The following PCDH7 variants were observed in gnomAD, a reference collection of about 807,000 sequenced individuals.
PCDH7 encodes the protein protocadherin 7, also known as protocadherin-7.
PCDH7 carries 17 observed loss-of-function variants against 58.9 expected under a neutral mutation model. That is an observed-to-expected ratio of 0.29 (90% CI 0.20 to 0.43). The LOEUF is 0.43. Ranked by LOEUF, PCDH7 falls within the 20% of genes least tolerant of loss-of-function variation. The pLI is 1.00. For missense variants in PCDH7, 1,274 were observed against 1,441.0 expected (o/e 0.88, Z 1.88); for synonymous variants, 664 against 616.4 (o/e 1.08, Z -1.14).
At chr4:30,885,512 G>A (rs917747039) in intron 1 of PCDH7, among the ~76,000 whole-genome samples, 8 of 152,014 alleles carry the variant, frequency 5.3e-5, no homozygotes, top group Non-Finnish European at 1.0e-4. Flanking sequence ...TTCTTCTCAC[G>A]ATACTGTCTC....
intron 2 of PCDH7, among the ~76,000 whole-genome samples, chr4:30,933,082 A>G (rs1390313072): frequency 6.6e-6 from 1 of 151,182 alleles, no homozygotes; most frequent in East Asian, 2.0e-4. Context: ...GCTGGAGTGC[A>G]GTGGCCTGAT....
At chr4:30,899,116 A>G (rs1416921591) in intron 1 of PCDH7, among the ~76,000 whole-genome samples, 1 of 152,130 alleles carries the variant, frequency 6.6e-6, no homozygotes, top group Non-Finnish European at 1.5e-5. Context: ...TAGGAATGCA[A>G]AATTGATTTG....
chr4:30,720,967 T>G lies in PCDH7; in HGVS notation c.-456T>G. 1 of 162,262 alleles carries G rather than the reference T, an allele frequency of 6.2e-6. No individual in the cohort carries two copies. The highest frequency in any genetic ancestry group is 1.3e-5 in the Non-Finnish European group (1 of 75,506). 10.1% of individuals were successfully genotyped at this position (162,262 alleles called of 1,614,324 possible). A position where few individuals can be genotyped will look rare whatever the true frequency, so the allele number is the denominator to read the frequency against. On this transcript the variant is annotated 5_prime_UTR_variant, in exon 1 of 2. Transcript: ENST00000361762. The surrounding 1 kb of genome is among the most constrained non-coding windows in gnomAD (Gnocchi z 4.7). Reference sequence around the variant, plus strand: ...GCAGGCGGGGGAGGCTGCAGGCTCATTCCCCACCTCTTCCCAGCCCCACTG... The same window carrying G: ...GCAGGCGGGGGAGGCTGCAGGCTCAGTCCCCACCTCTTCCCAGCCCCACTG...
chr4:30,750,523 C>T (rs1459261237), intron 1 of PCDH7, among the ~76,000 whole-genome samples: 1 of 152,152 alleles, frequency 6.6e-6, no homozygotes, highest in African/African-American at 2.4e-5. Flanking sequence ...GAAATGATGT[C>T]TGTGGCGAGG....
intron 3 of PCDH7, among the ~76,000 whole-genome samples, chr4:30,975,146 TGTGTGTG>T (rs1749960865): frequency 2.2e-5 from 1 of 46,454 alleles, no homozygotes; most frequent in African/African-American, 2.8e-4. Context: ...CCTTTCATTG[TGTGTGTG>T]TGTGTGTGTG....
chr4:30,872,339 G>T (rs1333164862), intron 1 of PCDH7, among the ~76,000 whole-genome samples: 1 of 152,052 alleles, frequency 6.6e-6, no homozygotes, highest in Non-Finnish European at 1.5e-5. Flanking sequence ...CATACTATCT[G>T]TCACAGTTTC....
chr4:30,738,376 T>A (rs1325960856), intron 1 of PCDH7, among the ~76,000 whole-genome samples: 1 of 151,908 alleles, frequency 6.6e-6, no homozygotes, highest in Non-Finnish European at 1.5e-5. Context: ...AAACCAACCT[T>A]ATGGATCTGT....
intron 1 of PCDH7, among the ~76,000 whole-genome samples, chr4:30,730,471 C>A (rs537769102): frequency 6.6e-6 from 1 of 152,090 alleles, no homozygotes; most frequent in East Asian, 1.9e-4. Flanking sequence ...GTTTTAAAGG[C>A]GGAATCAAGG....
intron 1 of PCDH7, among the ~76,000 whole-genome samples, chr4:30,874,263 C>T (rs977449119): frequency 8.6e-5 from 13 of 151,994 alleles, no homozygotes; most frequent in African/African-American, 2.7e-4. Flanking sequence ...TATTGCGGCA[C>T]TATTCACAAT....
At chr4:30,941,825 G>A (rs1310455963) in intron 2 of PCDH7, among the ~76,000 whole-genome samples, 1 of 151,832 alleles carries the variant, frequency 6.6e-6, no homozygotes, top group Non-Finnish European at 1.5e-5. Flanking sequence ...TGTGTGCTAG[G>A]TGGAGTTAGA....
chr4:31,080,611 C>A (rs1759421787), intron 3 of PCDH7, among the ~76,000 whole-genome samples: 1 of 152,086 alleles, frequency 6.6e-6, no homozygotes, highest in Admixed American at 6.6e-5. Flanking sequence ...AAGTGTAATT[C>A]TTTTCATATT....
chr4:30,751,317 T>G (rs923417887), intron 1 of PCDH7, among the ~76,000 whole-genome samples: 1 of 152,208 alleles, frequency 6.6e-6, no homozygotes, highest in Non-Finnish European at 1.5e-5. Flanking sequence ...CTGAGGCATT[T>G]TGATGTTTAA....
chr4:30,768,413 G>T (rs1000515148), intron 1 of PCDH7, among the ~76,000 whole-genome samples: 10 of 149,340 alleles, frequency 6.7e-5, no homozygotes, highest in Non-Finnish European at 1.2e-4. Context: ...AAAGAAGGTC[G>T]AGTGGATAGC....
intron 3 of PCDH7, among the ~76,000 whole-genome samples, chr4:31,125,821 T>C (rs1718232799): frequency 6.6e-6 from 1 of 152,242 alleles, no homozygotes; most frequent in African/African-American, 2.4e-5. Context: ...AGGTTAGTAG[T>C]ATTACATACA....
Position 30,723,545 on chromosome 4 carries a change from A to G in PCDH7, c.2123A>G (p.Tyr708Cys). ...TTTGACCGGGAACATCAGACCACAT[A>G]CACTTTCAGAGTCAAGGCTGTGGAT... is the stretch of plus-strand genomic sequence containing the variant. The change falls in exon 1 of 2, where the codon TAC becomes TGC. Residue 708 changes from tyrosine (Y) to cysteine (C), a missense_variant. This residue lies in a region of PCDH7 where 731 missense variants were observed against 881.9 expected (regional missense o/e 0.83). Coordinates refer to ENST00000361762, the Ensembl canonical transcript of PCDH7. The surrounding 1 kb of genome is among the most constrained non-coding windows in gnomAD (Gnocchi z 4.6). 1 of 1,614,130 alleles carries G rather than the reference A, an allele frequency of 6.2e-7. No homozygotes were observed.
rs73216794 is a variant in PCDH7 at position 31,028,413 on chromosome 4, C to G, written c.*7+78198C>G. 9.8e-3 allele frequency among the ~76,000 whole-genome samples: 1,487 copies of G among 152,046 alleles called. 13 individuals carry two copies. Among genetic ancestry groups the G allele is most frequent in the Middle Eastern group, 0.017 (5 of 292 alleles). On this transcript the variant is annotated intron_variant, in intron 3 of 3. Transcript: ENST00000509759. ...TTACCCAAATTGTAGTACTTTGGGC[C>G]GCTGAGGTAGTAGGACCTCTTAAGG...
intron 2 of PCDH7, among the ~76,000 whole-genome samples, chr4:30,929,633 A>G (rs1051780827): frequency 6.6e-6 from 1 of 152,188 alleles, no homozygotes; most frequent in Non-Finnish European, 1.5e-5. Context: ...TTTGGAAGTA[A>G]ACAGACAATA....
At chr4:31,081,890 A>G (rs1711534087) in intron 3 of PCDH7, among the ~76,000 whole-genome samples, 1 of 151,598 alleles carries the variant, frequency 6.6e-6, no homozygotes, top group South Asian at 2.1e-4. Context: ...CTGCTGCCTC[A>G]GCCTACTGAA....
chr4:31,062,214 C>T (rs1008520808), intron 3 of PCDH7, among the ~76,000 whole-genome samples: 1 of 151,522 alleles, frequency 6.6e-6, no homozygotes, highest in African/African-American at 2.4e-5. Flanking sequence ...AATTTCCAAC[C>T]TCTAAGAATA....
Sources: allele counts gnomAD v4.1 joint callset (sites outside exome capture counted in the v4.1 genomes callset), GRCh38; gene constraint gnomAD v4.1.1; regional missense constraint gnomAD v4.1.1; non-coding constraint Gnocchi (gnomAD v3.1); transcripts MANE v1.5; gene names NCBI Gene and HGNC (gene_info 2026-07-23, HGNC 2026-07-21).